GPBP1: variants seen among roughly 807,000 people sequenced by gnomAD.
The protein encoded by GPBP1 is vasculin.
A neutral mutation model predicts 56.5 loss-of-function variants in GPBP1; 13 were observed. That is an observed-to-expected ratio of 0.23 (90% CI 0.15 to 0.37). The LOEUF is 0.37. Ranked by LOEUF, GPBP1 falls within the 10% of genes least tolerant of loss-of-function variation. The pLI, the probability that GPBP1 is intolerant of heterozygous loss-of-function variation, is 1.00. For missense variants in GPBP1, 477 were observed against 572.3 expected, an observed-to-expected ratio of 0.83 and a Z score of 1.70; for synonymous variants, 204 against 188.9, an observed-to-expected ratio of 1.08 and a Z score of -0.66.
chr5:57,251,926 C>T (rs1274035424), intron 10 of GPBP1, among the ~76,000 whole-genome samples: 1 of 152,086 alleles, frequency 6.6e-6, no homozygotes, highest in East Asian at 1.9e-4. Flanking sequence ...TGTTGAGTAT[C>T]TTTTTATGTG....
At chr5:57,226,450 C>T (rs558946144) in intron 3 of GPBP1, among the ~76,000 whole-genome samples, 2 of 151,358 alleles carry the variant, frequency 1.3e-5, no homozygotes, top group South Asian at 4.2e-4. Flanking sequence ...GAGTTACTAA[C>T]AGTGGAATAA....
At chr5:57,212,672 CTT>C (rs550327781) in intron 2 of GPBP1, among the ~76,000 whole-genome samples, 8 of 139,690 alleles carry the variant, frequency 5.7e-5, no homozygotes, top group Non-Finnish European at 6.2e-5. Context: ...TTCTTTTTTT[CTT>C]TTTTTTTTTT....
chr5:57,218,712 G>C (rs1405919758), intron 3 of GPBP1, among the ~76,000 whole-genome samples: 1 of 152,172 alleles, frequency 6.6e-6, no homozygotes, highest in Admixed American at 6.5e-5. Flanking sequence ...TGATCCGCCT[G>C]CCTCTACCTC....
chr5:57,174,485 G>A (rs1753707792), intron 1 of GPBP1, among the ~76,000 whole-genome samples: 1 of 152,154 alleles, frequency 6.6e-6, no homozygotes, highest in African/African-American at 2.4e-5. Flanking sequence ...GGTGTTTGGC[G>A]TTTGGCGGAG....
At chr5:57,253,035 T>C (rs1741467509) in intron 10 of GPBP1, among the ~76,000 whole-genome samples, 1 of 152,206 alleles carries the variant, frequency 6.6e-6, no homozygotes, top group Non-Finnish European at 1.5e-5. Context: ...CAGCACTTTT[T>C]GCTTCCATCA....
In GPBP1 at chr5:57,233,846, C is replaced by G. The variant is rs143365892; in HGVS notation, c.412-2120C>G. Among the ~76,000 whole-genome samples the G allele has an allele frequency of 1.9e-4, 29 of 152,270 alleles. 1 individual carries two copies. The highest frequency in any genetic ancestry group is 1.9e-3 in the Admixed American group (29 of 15,290). On this transcript the variant is annotated intron_variant, in intron 5 of 11. Coordinates refer to ENST00000506184, the MANE Select transcript of GPBP1 (RefSeq NM_022913.4). ...ACTCTGGGAATGGTAATAGTACTCT[C>G]ATAGTGTTGTGAGGGTTAAATTAGT...
intron 2 of GPBP1, among the ~76,000 whole-genome samples, chr5:57,195,018 A>T (rs1219396904): frequency 6.6e-6 from 1 of 152,034 alleles, no homozygotes; most frequent in African/African-American, 2.4e-5. Context: ...ATATATACCC[A>T]GCAGTGGGCT....
At chr5:57,174,591 C>T (rs1315476011) in intron 1 of GPBP1, among the ~76,000 whole-genome samples, 2 of 152,124 alleles carry the variant, frequency 1.3e-5, no homozygotes, top group African/African-American at 4.8e-5. Flanking sequence ...CTTCTCAGGG[C>T]TGAGGGAGTC....
intron 5 of GPBP1, among the ~76,000 whole-genome samples, chr5:57,235,074 A>G (rs546588403): frequency 1.0e-3 from 153 of 152,320 alleles, no homozygotes; most frequent in Non-Finnish European, 7.2e-4. Flanking sequence ...TGGGAGGCAG[A>G]GGCAGGTGGA....
At chr5:57,181,944 T>C (rs1754068300) in intron 2 of GPBP1, among the ~76,000 whole-genome samples, 1 of 152,238 alleles carries the variant, frequency 6.6e-6, no homozygotes, top group African/African-American at 2.4e-5. Flanking sequence ...ACAGATTTGC[T>C]GTATAACCCT....
At chr5:57,221,519 ATTGT>A (rs1561350272) in intron 3 of GPBP1, 1 of 609,840 alleles carries the variant, frequency 1.6e-6, no homozygotes, top group Non-Finnish European at 2.9e-6. Flanking sequence ...TATCTTCATA[ATTGT>A]TTGATGAAAG....
intron 2 of GPBP1, among the ~76,000 whole-genome samples, chr5:57,181,207 C>G (rs897592164): frequency 6.6e-6 from 1 of 152,040 alleles, no homozygotes; most frequent in African/African-American, 2.4e-5. Context: ...TGGTGACATG[C>G]GCCTGTAGTC....
intron 2 of GPBP1, among the ~76,000 whole-genome samples, chr5:57,176,630 C>G (rs1028107285): frequency 6.6e-6 from 1 of 152,156 alleles, no homozygotes; most frequent in South Asian, 2.1e-4. Flanking sequence ...TCCTAAGCTA[C>G]AAGTTTTTGC....
chr5:57,239,559 TC>T (rs943295681), intron 6 of GPBP1, among the ~76,000 whole-genome samples: 129 of 152,158 alleles, frequency 8.5e-4, no homozygotes, highest in Middle Eastern at 3.4e-3. Context: ...GGTGGGCTGA[TC>T]ATCAGAGGTC....
chr5:57,249,613 A>G (rs1275355826), intron 9 of GPBP1, 37 bp downstream of exon 9: 4 of 1,504,128 alleles, frequency 2.7e-6, no homozygotes, highest in African/African-American at 2.8e-5. Flanking sequence ...TTTGACATTG[A>G]TATGTCATTG....
intron 3 of GPBP1, among the ~76,000 whole-genome samples, chr5:57,219,568 C>T (rs899886658): frequency 5.9e-5 from 9 of 151,868 alleles, no homozygotes; most frequent in Non-Finnish European, 1.3e-4. Context: ...CCTTCTCATT[C>T]GTGTGTGGGT....
intron 3 of GPBP1, among the ~76,000 whole-genome samples, chr5:57,224,593 G>A (rs1392829911): frequency 6.6e-6 from 1 of 151,736 alleles, no homozygotes; most frequent in Admixed American, 6.6e-5. Flanking sequence ...CTACAGGTGC[G>A]CACCACCATG....
intron 3 of GPBP1, among the ~76,000 whole-genome samples, chr5:57,215,200 TTATC>T (rs1423119086): frequency 2.0e-5 from 3 of 152,236 alleles, no homozygotes; most frequent in South Asian, 2.1e-4. Context: ...TTGCTGAACA[TTATC>T]TAATTTGTTC....
intron 3 of GPBP1, among the ~76,000 whole-genome samples, chr5:57,219,026 T>A (rs1755814870): frequency 6.6e-6 from 1 of 152,110 alleles, no homozygotes; most frequent in South Asian, 2.1e-4. Context: ...CTGTGATCTT[T>A]CCATAGGACT....
Sources: allele counts gnomAD v4.1 joint callset (sites outside exome capture counted in the v4.1 genomes callset), GRCh38; gene constraint gnomAD v4.1.1; transcripts MANE v1.5; gene names NCBI Gene and HGNC (gene_info 2026-07-23, HGNC 2026-07-21).